The following MED12L variants were observed in gnomAD, a reference collection of about 807,000 sequenced individuals.
MED12L encodes mediator of RNA polymerase II transcription subunit 12-like protein.
MED12L carries 60 observed loss-of-function variants against 281.3 expected under a neutral mutation model. The ratio of observed to expected loss-of-function variants is 0.21; its 90% CI spans 0.17 to 0.26. The LOEUF is 0.26. MED12L is among the 10% of genes least tolerant of loss of function. The pLI, the probability that MED12L is intolerant of heterozygous loss-of-function variation, is 1.00. For synonymous variants in MED12L, 974 were observed against 987.2 expected (o/e 0.99, Z 0.25); for missense variants, 2,146 against 2,680.9 (o/e 0.80, Z 4.41).
chr3:151,328,950 A>T (rs1473210909), intron 16 of MED12L: 1 of 1,613,608 alleles, frequency 6.2e-7, no homozygotes, highest in African/African-American at 1.3e-5. Flanking sequence ...TCTCTGGGGC[A>T]CCGCTCAGAT....
chr3:151,419,797 A>G (rs1176003671), intron 43 of MED12L, among the ~76,000 whole-genome samples: 1 of 152,254 alleles, frequency 6.6e-6, no homozygotes, highest in Admixed American at 6.5e-5. Context: ...CATAAAGTTA[A>G]CAATGCTTAA....
chr3:151,430,715 T>C (rs951709873), intron 44 of MED12L, among the ~76,000 whole-genome samples: 1 of 38,514 alleles, frequency 2.6e-5, no homozygotes, highest in Non-Finnish European at 6.8e-5. Context: ...GAGCATCAGC[T>C]AATGCCCTTA....
chr3:151,214,601 C>T (rs1428390947), intron 16 of MED12L, among the ~76,000 whole-genome samples: 1 of 150,582 alleles, frequency 6.6e-6, no homozygotes, highest in African/African-American at 2.5e-5. Flanking sequence ...TCCCCTCTCC[C>T]CCTCCCTTTT....
intron 16 of MED12L, among the ~76,000 whole-genome samples, chr3:151,306,685 C>CT (rs749065439): frequency 7.2e-5 from 11 of 152,204 alleles, no homozygotes; most frequent in Non-Finnish European, 8.8e-5. Context: ...GGGGGAAACT[C>CT]TGTCAGCAGG....
rs1225264678 is a variant in MED12L, at chr3:151,086,954, G to A, written c.28G>A (p.Glu10Lys). ...GGCCGCCTTCGGGCTTCTCAGCTAT[G>A]AGCAGAGACCGCTGAAGCGCCCCCG... MAAFGLLSY[E>K]QRPLKRPRLG... Residue 10 changes from glutamate to lysine, a missense_variant, in exon 2 of 45, where the codon GAG becomes AAG. By Grantham distance (56) the Glu-to-Lys change is moderately conservative (BLOSUM62 1). Transcript: ENST00000687756. 6.2e-7 allele frequency: 1 copy of A among 1,608,348 alleles called. No individual in the cohort carries two copies. The highest frequency in any genetic ancestry group is 8.5e-7 in the Non-Finnish European group (1 of 1,178,088).
At chr3:151,189,352 A>T (rs987506136) in intron 13 of MED12L, among the ~76,000 whole-genome samples, 2 of 152,182 alleles carry the variant, frequency 1.3e-5, no homozygotes, top group Non-Finnish European at 2.9e-5. Context: ...AGTGGTTGGA[A>T]CATAGGGAGG....
At chr3:151,095,996 C>T (rs1308873102) in intron 2 of MED12L, among the ~76,000 whole-genome samples, 1 of 152,208 alleles carries the variant, frequency 6.6e-6, no homozygotes, top group Non-Finnish European at 1.5e-5. Context: ...TGTTTCCTGT[C>T]TGATAAAAGT....
chr3:151,135,262 C>T (rs1417848548), intron 5 of MED12L, among the ~76,000 whole-genome samples: 1 of 152,190 alleles, frequency 6.6e-6, no homozygotes, highest in Non-Finnish European at 1.5e-5. Flanking sequence ...GGTGATCTGC[C>T]CACCTTGGCC....
chr3:151,248,171 C>G (rs1417734301), intron 16 of MED12L, among the ~76,000 whole-genome samples: 2 of 151,786 alleles, frequency 1.3e-5, no homozygotes, highest in East Asian at 1.9e-4. Context: ...ATGTTTAACG[C>G]TCAGAGGAAG....
At chr3:151,290,634 GT>G (rs63049361) in intron 16 of MED12L, among the ~76,000 whole-genome samples, 7,461 of 149,190 alleles carry the variant, frequency 0.05, 222 homozygotes, top group East Asian at 0.15. Context: ...TTACAGCCTT[GT>G]TTTTTTTTTT....
intron 31 of MED12L, among the ~76,000 whole-genome samples, chr3:151,378,639 A>G (rs939975695): frequency 6.6e-6 from 1 of 152,124 alleles, no homozygotes; most frequent in Non-Finnish European, 1.5e-5. Flanking sequence ...CGGCCACCAC[A>G]ACTAATGTTT....
At chr3:151,285,793 T>C (rs1743417414) in intron 16 of MED12L, among the ~76,000 whole-genome samples, 1 of 152,122 alleles carries the variant, frequency 6.6e-6, no homozygotes, top group African/African-American at 2.4e-5. Context: ...AGAGCCCTTG[T>C]GAATGGGATC....
chr3:151,226,425 T>C (rs1730503942), intron 16 of MED12L, among the ~76,000 whole-genome samples: 1 of 152,090 alleles, frequency 6.6e-6, no homozygotes, highest in Admixed American at 6.5e-5. Context: ...CTTAAAATGG[T>C]TAAGTGATTC....
chr3:151,329,623 G>C (rs1750123642), intron 16 of MED12L: 3 of 811,616 alleles, frequency 3.7e-6, no homozygotes, highest in Non-Finnish European at 5.9e-6. Context: ...TGACCCATTA[G>C]AACCTCTTCA....
intron 16 of MED12L, among the ~76,000 whole-genome samples, chr3:151,261,187 G>T (rs866634074): frequency 2.0e-5 from 3 of 152,090 alleles, no homozygotes; most frequent in Non-Finnish European, 4.4e-5. Context: ...TTTTGGAAAT[G>T]CCCATGAATG....
intron 16 of MED12L, chr3:151,212,476 G>A (rs1470040142): frequency 6.6e-6 from 1 of 152,032 alleles, no homozygotes. Context: ...TACGGTGTGG[G>A]TGTGTCTTTT....
At chr3:151,103,794 G>T (rs1442664294) in intron 2 of MED12L, among the ~76,000 whole-genome samples, 2 of 152,180 alleles carry the variant, frequency 1.3e-5, no homozygotes, top group Non-Finnish European at 2.9e-5. Context: ...ATCACACTGT[G>T]CTCTCCTCAA....
At chr3:151,171,382 A>G (rs58593708) in intron 11 of MED12L, among the ~76,000 whole-genome samples, 6,267 of 152,194 alleles carry the variant, frequency 0.041, 273 homozygotes, top group East Asian at 0.18. Flanking sequence ...CTGCATCTTT[A>G]GGGTGCCTCA....
rs565918464 is a variant in MED12L at position 151,377,417 on chromosome 3, C to T, written c.4316+239C>T. Among the ~76,000 whole-genome samples the T allele has an allele frequency of 6.6e-5, 10 of 152,296 alleles. No homozygotes were observed. In the South Asian group the frequency reaches 1.2e-3, roughly 19 times the overall value. On this transcript the variant is annotated intron_variant, in intron 30 of 44. Coordinates refer to ENST00000687756, the MANE Select transcript of MED12L (RefSeq NM_001393769.1). ...CAGGTGAACTCAGGTTTGGTTCATG[C>T]TTTCAGTGTCCCTTAGTCTACTGTG...
Sources: gnomAD v4.1 joint callset for allele counts (sites outside exome capture counted in the v4.1 genomes callset) on GRCh38, gnomAD v4.1.1 for gene constraint, MANE v1.5 for transcripts, NCBI Gene and HGNC (gene_info 2026-07-23, HGNC 2026-07-21) for gene names.